KDM4B: variants seen among roughly 807,000 people sequenced by gnomAD.
KDM4B encodes lysine demethylase 4B, also known as lysine-specific demethylase 4B.
A neutral mutation model predicts 125.2 loss-of-function variants in KDM4B; 32 were observed. The observed-to-expected ratio is 0.26, with a 90% CI of 0.19 to 0.34. The LOEUF (loss-of-function observed/expected upper bound fraction) is 0.34. KDM4B is among the 10% of genes least tolerant of loss of function. KDM4B has a pLI of 1.00. For synonymous variants in KDM4B, 721 were observed against 677.9 expected (o/e 1.06, Z -0.99); for missense variants, 1,190 against 1,577.7 (o/e 0.75, Z 4.16).
chr19:5,043,881 T>G (rs868198261), intron 5 of KDM4B, among the ~76,000 whole-genome samples: 42 of 108,010 alleles, frequency 3.9e-4, no homozygotes, highest in Non-Finnish European at 5.8e-4. Flanking sequence ...TATCCCGTGC[T>G]GTGTTTATCG....
chr19:4,981,118 C>T (rs983440274), intron 1 of KDM4B, among the ~76,000 whole-genome samples: 3 of 152,114 alleles, frequency 2.0e-5, no homozygotes, highest in African/African-American at 4.8e-5. Flanking sequence ...CCTGAGCTGG[C>T]GTGCCTCAGC....
At chr19:5,125,939 A>C (rs942260609) in intron 11 of KDM4B, among the ~76,000 whole-genome samples, 1 of 152,210 alleles carries the variant, frequency 6.6e-6, no homozygotes, top group African/African-American at 2.4e-5. Flanking sequence ...AGAGAGCCTC[A>C]TAAATGCATG....
chr19:5,077,132 C>T lies in KDM4B; in HGVS notation c.677-235C>T. 7.0e-6 allele frequency: 4 copies of T among 568,188 alleles called. No individual in the cohort carries two copies. The South Asian group carries it at 8.3e-5, about 12-fold the overall frequency. 35.2% of individuals were successfully genotyped at this position (568,188 alleles called of 1,614,324 possible). A position where few individuals can be genotyped will look rare whatever the true frequency, so the allele number is the denominator to read the frequency against. Reference sequence around the variant, plus strand: ...AGAGGCCAGAGGGTGTCACCACTGTCTGCCACCTGCAGAGCTCACAGCAGG... The same window carrying T: ...AGAGGCCAGAGGGTGTCACCACTGTTTGCCACCTGCAGAGCTCACAGCAGG... On this transcript the variant is annotated intron_variant, in intron 7 of 22. Transcript: ENST00000159111.
At chr19:5,132,524 T>A (rs1451585768) in intron 13 of KDM4B, among the ~76,000 whole-genome samples, 1 of 151,860 alleles carries the variant, frequency 6.6e-6, no homozygotes, top group Non-Finnish European at 1.5e-5. Context: ...TCTTTCATCC[T>A]GCATGCAATT....
chr19:5,144,619 C>G (rs2306397), intron 20 of KDM4B, among the ~76,000 whole-genome samples, 164 bp from the exon 21 acceptor site: 1 of 152,224 alleles, frequency 6.6e-6, no homozygotes, highest in Non-Finnish European at 1.5e-5. Context: ...GAAAGCGACC[C>G]GCAGCCAGGG....
intron 1 of KDM4B, among the ~76,000 whole-genome samples, chr19:4,990,683 C>T (rs1023581540): frequency 5.9e-4 from 90 of 152,294 alleles, no homozygotes; most frequent in African/African-American, 1.9e-3. Context: ...GTCGCCTCTC[C>T]GGCCTTTGTT....
At position 5,119,791 on chromosome 19, in the gene KDM4B, C is replaced by CGAG. The variant is rs147027017; in HGVS notation, c.1270_1272dup (p.Glu424dup). ...AGGAGGCTGGGCCGGAGGTTGACCC[C>CGAG]GAGGAGGAGGAGGAGGAGCCGCAGC... is the stretch of plus-strand genomic sequence containing the variant. On this transcript the variant is annotated inframe_insertion, in exon 11 of 23. Transcript: ENST00000159111. The CGAG allele has an allele frequency of 6.7e-5, 104 of 1,542,380 alleles. No homozygotes were observed. In the Middle Eastern group the frequency reaches 8.9e-4, roughly 13 times the overall value.
chr19:4,978,737 G>A (rs1001740818), intron 1 of KDM4B, among the ~76,000 whole-genome samples: 7 of 152,176 alleles, frequency 4.6e-5, no homozygotes, highest in African/African-American at 1.7e-4. Flanking sequence ...TGGCTCAGGG[G>A]CGCGGGAGGA....
chr19:5,057,076 G>A (rs76998132), intron 6 of KDM4B, among the ~76,000 whole-genome samples: 13,404 of 151,722 alleles, frequency 0.088, 815 homozygotes, highest in Non-Finnish European at 0.14. Flanking sequence ...GCGCGCGCGC[G>A]CGTATGTTAG....
intron 6 of KDM4B, among the ~76,000 whole-genome samples, chr19:5,060,461 AAAG>A (rs371479814): frequency 0.03 from 2,161 of 71,010 alleles, 420 homozygotes; most frequent in African/African-American, 0.064. Flanking sequence ...AAAAAAAAAA[AAAG>A]GGAGCCATGA....
At chr19:5,018,888 A>C (rs1056596838) in intron 2 of KDM4B, among the ~76,000 whole-genome samples, 2 of 152,244 alleles carry the variant, frequency 1.3e-5, no homozygotes, top group Non-Finnish European at 2.9e-5. Flanking sequence ...GGCCTGCGTC[A>C]GAGCCTTGCT....
intron 1 of KDM4B, among the ~76,000 whole-genome samples, chr19:4,974,225 G>T (rs1012410396): frequency 6.6e-6 from 1 of 151,554 alleles, no homozygotes; most frequent in Non-Finnish European, 1.5e-5. Context: ...GTGAAACCCC[G>T]TCTCTACTAA....
intron 1 of KDM4B, among the ~76,000 whole-genome samples, chr19:4,999,665 C>A (rs1444631553): frequency 6.6e-6 from 1 of 152,156 alleles, no homozygotes; most frequent in Non-Finnish European, 1.5e-5. Flanking sequence ...ATCTCTGCAT[C>A]CATCTATCCA....
chr19:4,982,664 G>T (rs1406090053), intron 1 of KDM4B, among the ~76,000 whole-genome samples: 1 of 151,760 alleles, frequency 6.6e-6, no homozygotes, highest in Non-Finnish European at 1.5e-5. Context: ...CCAGGCTGGA[G>T]TGCAGTGGCG....
intron 10 of KDM4B, 150 bp from the exon 11 acceptor site, chr19:5,119,503 T>C (rs2039320422): frequency 1.2e-6 from 1 of 814,090 alleles, no homozygotes; most frequent in African/African-American, 1.7e-5. Flanking sequence ...CAGGGTTCCC[T>C]TTACCCCCGG....
At chr19:5,020,191 G>A (rs2036065931) in intron 2 of KDM4B, among the ~76,000 whole-genome samples, 1 of 145,468 alleles carries the variant, frequency 6.9e-6, no homozygotes, top group Non-Finnish European at 1.5e-5. Context: ...TGGTGTGCAG[G>A]TGTTGGTGTG....
Position 5,096,874 on chromosome 19 carries a change from G to C in KDM4B, c.919-13748G>C, listed in dbSNP as rs370724631. On this transcript the variant is annotated intron_variant, in intron 9 of 22. Transcript: ENST00000159111. ...TGCCTGGTGGAGGAAGTGTCCCTCC[G>C]TTTCTGGATTTGCCTTAATAGCTCA... Among the ~76,000 whole-genome samples the C allele has an allele frequency of 1.3e-5, 2 of 152,180 alleles. 1 individual carries two copies. Among genetic ancestry groups the C allele is most frequent in the South Asian group, 4.1e-4 (2 of 4,832 alleles).
intron 1 of KDM4B, among the ~76,000 whole-genome samples, chr19:5,015,226 G>T (rs1203779493): frequency 1.3e-5 from 2 of 151,944 alleles, no homozygotes; most frequent in African/African-American, 4.8e-5. Flanking sequence ...CAAGTCCAGT[G>T]GGAGCTGCAG....
intron 9 of KDM4B, among the ~76,000 whole-genome samples, chr19:5,107,477 C>T (rs1333000170): frequency 6.6e-6 from 1 of 152,222 alleles, no homozygotes; most frequent in Non-Finnish European, 1.5e-5. Context: ...GGGAGCTAGA[C>T]AGGGCTGTGG....
Sources: allele counts gnomAD v4.1 joint callset (sites outside exome capture counted in the v4.1 genomes callset), GRCh38; gene constraint gnomAD v4.1.1; transcripts MANE v1.5; gene names NCBI Gene and HGNC (gene_info 2026-07-23, HGNC 2026-07-21).